Variants in ASTN2 observed in about 807,000 individuals in gnomAD.
ASTN2 encodes astrotactin 2, also known as astrotactin-2.
A neutral mutation model predicts 139.8 loss-of-function variants in ASTN2; 54 were observed. The ratio of observed to expected loss-of-function variants is 0.39; its 90% CI spans 0.31 to 0.48. The LOEUF is 0.48. ASTN2 is among the 20% of genes least tolerant of loss of function. The probability of loss-of-function intolerance (pLI) is 0.95; values close to 1 mark genes in which losing one functional copy is unlikely to be tolerated. For missense variants in ASTN2, 1,565 were observed against 1,725.1 expected, an observed-to-expected ratio of 0.91 and a Z score of 1.64; for synonymous variants, 756 against 719.5, an observed-to-expected ratio of 1.05 and a Z score of -0.81.
chr9:116,707,924 C>T (rs1362985650), intron 16 of ASTN2, among the ~76,000 whole-genome samples: 6 of 152,118 alleles, frequency 3.9e-5, no homozygotes, highest in Non-Finnish European at 8.8e-5. Flanking sequence ...AGAACTATTG[C>T]CCTGCCTAAA....
intron 16 of ASTN2, among the ~76,000 whole-genome samples, chr9:116,717,040 A>C (rs1469758644): frequency 1.3e-5 from 2 of 152,182 alleles, no homozygotes; most frequent in African/African-American, 4.8e-5. Flanking sequence ...TGCTTTGCCA[A>C]ATTCCCTGGT....
Position 117,383,129 on chromosome 9 carries a change from C to G in ASTN2, c.442+31368G>C, listed in dbSNP as rs1830313228. ...TTTTTAAACACTGAATCTGAAATTT[C>G]TTATAATAATTATGGGTCACAAAAT... On this transcript the variant is annotated intron_variant, in intron 1 of 22. Transcript: ENST00000313400. Among the ~76,000 whole-genome samples the G allele has an allele frequency of 2.0e-5, 3 of 152,196 alleles. No homozygotes were observed. The South Asian group carries it at 6.2e-4, about 32-fold the overall frequency.
At chr9:116,959,640 C>T (rs1835822035) in intron 10 of ASTN2, among the ~76,000 whole-genome samples, 1 of 152,110 alleles carries the variant, frequency 6.6e-6, no homozygotes, top group African/African-American at 2.4e-5. Flanking sequence ...TGGAAGTTGT[C>T]ACCATAACTC....
At chr9:117,040,237 C>T (rs1456551425) in intron 5 of ASTN2, among the ~76,000 whole-genome samples, 1 of 152,170 alleles carries the variant, frequency 6.6e-6, no homozygotes, top group African/African-American at 2.4e-5. Flanking sequence ...GCAATTTTCA[C>T]TCCTCCCTTC....
chr9:117,124,323 T>C (rs1587989600), intron 4 of ASTN2, among the ~76,000 whole-genome samples: 1 of 152,282 alleles, frequency 6.6e-6, no homozygotes, highest in Non-Finnish European at 1.5e-5. Flanking sequence ...TCCACATTCC[T>C]GAATTTCATT....
intron 2 of ASTN2, among the ~76,000 whole-genome samples, chr9:117,278,773 G>T (rs7860251): frequency 0.012 from 1,776 of 152,270 alleles, 34 homozygotes; most frequent in African/African-American, 0.041. Flanking sequence ...TGACTGTATC[G>T]GTGGATTTGC....
chr9:116,532,715 G>C (rs1010627237), intron 19 of ASTN2, among the ~76,000 whole-genome samples: 3 of 152,094 alleles, frequency 2.0e-5, no homozygotes, highest in Non-Finnish European at 4.4e-5. Flanking sequence ...TGTTCCATTG[G>C]TCTATATCTC....
At chr9:117,321,828 C>T (rs1828333869) in intron 1 of ASTN2, among the ~76,000 whole-genome samples, 1 of 152,186 alleles carries the variant, frequency 6.6e-6, no homozygotes, top group Non-Finnish European at 1.5e-5. Flanking sequence ...TCCCTGGCCT[C>T]TACTCATTAG....
chr9:116,837,460 C>T (rs983315929), intron 11 of ASTN2, among the ~76,000 whole-genome samples: 13 of 152,138 alleles, frequency 8.5e-5, no homozygotes, highest in African/African-American at 2.9e-4. Flanking sequence ...TAGGTTCCTC[C>T]CACAGGCTAG....
chr9:116,958,551 T>A (rs1015077649), intron 10 of ASTN2, among the ~76,000 whole-genome samples: 2 of 151,956 alleles, frequency 1.3e-5, no homozygotes, highest in African/African-American at 4.8e-5. Context: ...ACCGCACCAC[T>A]GCACTCCAGC....
intron 1 of ASTN2, among the ~76,000 whole-genome samples, chr9:117,385,707 G>T (rs1830378181): frequency 6.6e-6 from 1 of 152,084 alleles, no homozygotes; most frequent in Admixed American, 6.6e-5. Flanking sequence ...AACGACAGAG[G>T]GAAGCAGGGA....
At chr9:116,970,487 C>T (rs1430667456) in intron 10 of ASTN2, among the ~76,000 whole-genome samples, 1 of 152,120 alleles carries the variant, frequency 6.6e-6, no homozygotes, top group Non-Finnish European at 1.5e-5. Context: ...CTTTTTTCTG[C>T]CTTGAACTTT....
intron 10 of ASTN2, among the ~76,000 whole-genome samples, chr9:116,879,483 C>T (rs1425694509): frequency 6.6e-6 from 1 of 152,132 alleles, no homozygotes; most frequent in African/African-American, 2.4e-5. Flanking sequence ...GCTGAGAAAA[C>T]CAACAACTTA....
intron 4 of ASTN2, among the ~76,000 whole-genome samples, chr9:117,120,016 G>GTATATATATATA (rs1385401943): frequency 8.0e-4 from 27 of 33,834 alleles, no homozygotes; most frequent in Admixed American, 6.6e-3. Flanking sequence ...GTGTGTGTGT[G>GTATATATATATA]TGTATATATA....
intron 1 of ASTN2, among the ~76,000 whole-genome samples, chr9:117,311,213 A>G (rs1470578114): frequency 1.4e-5 from 2 of 138,212 alleles, no homozygotes; most frequent in African/African-American, 5.5e-5. Flanking sequence ...AGCCCTCAAT[A>G]AATGGTAGGC....
intron 19 of ASTN2, among the ~76,000 whole-genome samples, chr9:116,560,870 T>G (rs554899212): frequency 6.6e-6 from 1 of 152,310 alleles, no homozygotes; most frequent in East Asian, 1.9e-4. Flanking sequence ...GTCAGAAAGC[T>G]TCTCAGAAAA....
At chr9:117,057,120 A>G (rs9299243) in intron 5 of ASTN2, among the ~76,000 whole-genome samples, 26,417 of 152,168 alleles carry the variant, frequency 0.17, 2,540 homozygotes, top group African/African-American at 0.24. Flanking sequence ...ATTGCTTAAT[A>G]TAGAGTTCTC....
intron 16 of ASTN2, among the ~76,000 whole-genome samples, chr9:116,717,745 T>A (rs1478635721): frequency 2.0e-5 from 3 of 152,208 alleles, no homozygotes; most frequent in African/African-American, 4.8e-5. Flanking sequence ...TGCTTTCAAA[T>A]TTTCAACAAA....
At chr9:117,127,045 G>C (rs887989597) in intron 4 of ASTN2, among the ~76,000 whole-genome samples, 1 of 152,168 alleles carries the variant, frequency 6.6e-6, no homozygotes, top group Non-Finnish European at 1.5e-5. Flanking sequence ...ATCATCCTAC[G>C]GCAGGATAAT....
Sources: allele counts gnomAD v4.1 joint callset (sites outside exome capture counted in the v4.1 genomes callset), GRCh38; gene constraint gnomAD v4.1.1; transcripts MANE v1.5; gene names NCBI Gene and HGNC (gene_info 2026-07-23, HGNC 2026-07-21).